Variants in BCOR observed in about 807,000 individuals in gnomAD.
The protein encoded by BCOR is BCL-6 corepressor.
Under a neutral mutation model 86.7 loss-of-function variants are expected in BCOR, and 10 were observed. The ratio of observed to expected loss-of-function variants is 0.12; its 90% CI spans 0.07 to 0.20. The LOEUF is 0.20. BCOR is among the 10% of genes least tolerant of loss of function. The pLI is 1.00. For synonymous variants in BCOR, 611 were observed against 609.0 expected, an observed-to-expected ratio of 1.00 and a Z score of -0.05; for missense variants, 1,259 against 1,452.1, an observed-to-expected ratio of 0.87 and a Z score of 2.16.
chrX:40,135,593 T>C, intron 1 of BCOR, among the ~76,000 whole-genome samples: 1 of 111,314 alleles, frequency 9.0e-6, no homozygotes, highest in African/African-American at 3.3e-5. Context: ...TTTCACCATG[T>C]TGGCCAGGCC....
upstream of BCOR, among the ~76,000 whole-genome samples, chrX:40,100,642 T>G (rs1448414737): frequency 3.0e-5 from 3 of 101,466 alleles, no homozygotes; most frequent in Non-Finnish European, 3.9e-5. Context: ...GAGGTTGCGG[T>G]GAGCCGAGAT....
intron 11 of BCOR, among the ~76,000 whole-genome samples, 160 bp from the exon 12 acceptor site, chrX:40,055,673 C>A (rs1934558795): frequency 9.0e-6 from 1 of 111,502 alleles, no homozygotes; most frequent in Non-Finnish European, 1.9e-5. Context: ...GCACAGTCAC[C>A]GCCACTGCAC....
intron 1 of BCOR, among the ~76,000 whole-genome samples, chrX:40,132,025 C>T (rs1937608042): frequency 8.9e-6 from 1 of 112,070 alleles, no homozygotes; most frequent in Non-Finnish European, 1.9e-5. Context: ...CAGAAGAAGC[C>T]ATGCAGCTTG....
chrX:40,149,196 C>T (rs1238686176), intron 1 of BCOR, among the ~76,000 whole-genome samples: 1 of 110,115 alleles, frequency 9.1e-6, no homozygotes, highest in African/African-American at 3.3e-5. Flanking sequence ...CCTGTCATCC[C>T]CACCCCCAGC....
chrX:40,165,802 CTTTG>C (rs767103675), intron 1 of BCOR, among the ~76,000 whole-genome samples: 1 of 110,801 alleles, frequency 9.0e-6, no homozygotes, highest in South Asian at 3.8e-4. Context: ...TCTAGTTTTG[CTTTG>C]TTTGAGAGAG....
intron 1 of BCOR, among the ~76,000 whole-genome samples, chrX:40,176,396 C>A (rs1429848964): frequency 8.9e-6 from 1 of 112,859 alleles, no homozygotes; most frequent in African/African-American, 3.2e-5. Context: ...CGGGCCCCCC[C>A]GCCATGCGTA....
chrX:40,064,248 C>T (rs1173999167), intron 7 of BCOR, 88 bp downstream of exon 7: 46 of 1,160,954 alleles, frequency 4.0e-5, no homozygotes, highest in East Asian at 1.5e-4. Context: ...GGGGGCAGCG[C>T]GCCGCACATC....
rs1330372404 is a variant in BCOR, at chrX:40,075,313, C to T, written c.166-133G>A. 4.9e-5 allele frequency: 4 copies of T among 81,839 alleles called. No individual in the cohort carries two copies. In the Admixed American group the frequency reaches 7.4e-4, roughly 15 times the overall value. The allele number at this position is 81,839 out of a possible 1,213,427, so 6.7% of individuals were successfully genotyped here. A position where few individuals can be genotyped will look rare whatever the true frequency, so the allele number is the denominator to read the frequency against. On this transcript the variant is annotated intron_variant, in intron 3 of 14. Transcript: ENST00000378444. ...CAAAGGGTTAAAGACAGGCTTCCGG[C>T]GGGGCGGGGGTGGGGGGTCTGTTTC... is the stretch of plus-strand genomic sequence containing the variant.
Position 40,089,397 on chromosome X carries a change from T to C in BCOR, c.-41+7818A>G, listed in dbSNP as rs184942366. Among the ~76,000 whole-genome samples, 77 of 111,401 alleles carry C rather than the reference T, an allele frequency of 6.9e-4. 1 individual carries two copies. The highest frequency in any genetic ancestry group is 6.1e-3 in the Admixed American group (64 of 10,555). On this transcript the variant is annotated intron_variant, in intron 1 of 14. Transcript: ENST00000378444. ...ATTGGTCTAATTGTGCCATTTGAAATCCTGATTTTCACATACTGTCTCCTC... is the reference window on the plus strand; with the variant it reads ...ATTGGTCTAATTGTGCCATTTGAAACCCTGATTTTCACATACTGTCTCCTC...
intron 1 of BCOR, among the ~76,000 whole-genome samples, chrX:40,155,837 T>A (rs763852454): frequency 5.4e-5 from 6 of 111,375 alleles, no homozygotes; most frequent in Non-Finnish European, 7.6e-5. Flanking sequence ...TGAGGCTGAC[T>A]CGCGGCTGGG....
At chrX:40,156,846 G>T (rs1938306931) in intron 1 of BCOR, among the ~76,000 whole-genome samples, 1 of 113,719 alleles carries the variant, frequency 8.8e-6, no homozygotes, top group Non-Finnish European at 1.9e-5. Context: ...CCTGCTGCTC[G>T]AAGCCGCTGT....
intron 1 of BCOR, among the ~76,000 whole-genome samples, chrX:40,150,554 G>T (rs954959760): frequency 2.7e-5 from 3 of 111,802 alleles, no homozygotes; most frequent in Non-Finnish European, 5.6e-5. Flanking sequence ...TGAGCCTGTG[G>T]CCTCCACTCT....
At chrX:40,082,472 G>A (rs1194477401) in intron 1 of BCOR, among the ~76,000 whole-genome samples, 1 of 111,734 alleles carries the variant, frequency 8.9e-6, no homozygotes. Context: ...CCCACCGGCA[G>A]CTATCCAGCA....
chrX:40,091,772 TACC>T (rs1266372156), intron 1 of BCOR, among the ~76,000 whole-genome samples: 2 of 112,727 alleles, frequency 1.8e-5, no homozygotes, highest in Non-Finnish European at 3.8e-5. Flanking sequence ...CTCCTGGCTC[TACC>T]ACCTAGGCCT....
rs780818403 is a variant in BCOR at position 40,169,552 on chromosome X, T to TA, written c.-41+7454dup. On this transcript the variant is annotated intron_variant, in intron 1 of 14. Transcript: ENST00000342274. ...TGTTTCTCTTTCAAATACGGTGTTT[T>TA]AAAAAACAGCAGCAACACGCCACCC... Among the ~76,000 whole-genome samples the TA allele has an allele frequency of 1.1e-3, 126 of 110,579 alleles. 2 individuals carry two copies. The highest frequency in any genetic ancestry group is 1.7e-3 in the Non-Finnish European group (88 of 52,786).
intron 1 of BCOR, among the ~76,000 whole-genome samples, chrX:40,094,246 C>T (rs1226977036): frequency 1.8e-5 from 2 of 111,081 alleles, no homozygotes; most frequent in African/African-American, 6.6e-5. Flanking sequence ...CTCCGCGCCT[C>T]CCCCCCCTCC....
chrX:40,173,988 T>A (rs957564929), intron 1 of BCOR, among the ~76,000 whole-genome samples: 14 of 112,889 alleles, frequency 1.2e-4, no homozygotes, highest in African/African-American at 4.5e-4. Flanking sequence ...TTCAAAAGGC[T>A]TCCCATTACC....
chrX:40,101,592 C>A (rs1937075376), upstream of BCOR, among the ~76,000 whole-genome samples: 1 of 112,599 alleles, frequency 8.9e-6, no homozygotes, highest in African/African-American at 3.2e-5. Flanking sequence ...TAGGAGCAGG[C>A]CTTGAGCCTG....
intron 1 of BCOR, among the ~76,000 whole-genome samples, chrX:40,158,920 C>T (rs1286318015): frequency 8.9e-6 from 1 of 112,480 alleles, no homozygotes; most frequent in Non-Finnish European, 1.9e-5. Context: ...AAGTAATTTA[C>T]AATCTAGTTG....
Sources: gnomAD v4.1 joint callset for allele counts (sites outside exome capture counted in the v4.1 genomes callset) on GRCh38, gnomAD v4.1.1 for gene constraint, MANE v1.5 for transcripts, NCBI Gene and HGNC (gene_info 2026-07-23, HGNC 2026-07-21) for gene names.